ASH1L: variants seen among roughly 807,000 people sequenced by gnomAD.
ASH1L encodes the protein ASH1 like histone lysine methyltransferase.
A neutral mutation model predicts 269.0 loss-of-function variants in ASH1L; 23 were observed. That is an observed-to-expected ratio of 0.09 (90% confidence interval 0.06 to 0.12). The LOEUF (loss-of-function observed/expected upper bound fraction) is 0.12. Ranked by LOEUF, ASH1L falls within the 10% of genes least tolerant of loss-of-function variation. ASH1L has a pLI of 1.00. For missense variants in ASH1L, 2,912 were observed against 3,567.8 expected, an observed-to-expected ratio of 0.82 and a Z score of 4.68; for synonymous variants, 1,187 against 1,253.5, an observed-to-expected ratio of 0.95 and a Z score of 1.12.
chr1:155,484,287 G>C (rs758142633), intron 2 of ASH1L, among the ~76,000 whole-genome samples: 6 of 151,988 alleles, frequency 3.9e-5, no homozygotes, highest in Non-Finnish European at 8.8e-5. Context: ...TCAGGAGTTC[G>C]AGACCAGCTT....
rs764189715 is a variant in ASH1L, at chr1:155,562,802, T to G, written c.-749A>C. On this transcript the variant is annotated 5_prime_UTR_variant, in exon 1 of 28. Transcript: ENST00000392403. Reference sequence around the variant, plus strand: ...ACCTTCAACGGCGCAAGCCCAAGCCTCCTCCTCCTCCTCCTCCACCTCCTC... The same window carrying G: ...ACCTTCAACGGCGCAAGCCCAAGCCGCCTCCTCCTCCTCCTCCACCTCCTC... The G allele has an allele frequency of 2.2e-5, 11 of 500,514 alleles. No homozygotes were observed. The East Asian group carries it at 2.8e-4, about 13-fold the overall frequency. The allele number at this position is 500,514 out of a possible 1,614,324, so 31.0% of individuals were successfully genotyped here. A position where few individuals can be genotyped will look rare whatever the true frequency, so the allele number is the denominator to read the frequency against.
Position 155,343,332 on chromosome 1 carries a change from G to A in ASH1L, c.8275C>T (p.Leu2759Phe). 1 of 1,613,774 alleles carries A rather than the reference G, an allele frequency of 6.2e-7. No individual in the cohort carries two copies. Among genetic ancestry groups the A allele is most frequent in the Non-Finnish European group, 8.5e-7 (1 of 1,179,870 alleles). Residue 2759 changes from leucine (L) to phenylalanine (F), a missense_variant, in exon 24 of 28, where the codon CTT becomes TTT. Physicochemically the swap from Leu to Phe is conservative, Grantham distance 22. This residue lies in a region of ASH1L where 179 missense variants were observed against 293.8 expected (regional missense o/e 0.61). Transcript: ENST00000392403. The surrounding 1 kb of genome is among the most constrained non-coding windows in gnomAD (Gnocchi z 6.1). Reference protein sequence around the residue: ...AVVGTCCVLDLYTYCKGRPKG... With the variant: ...AVVGTCCVLDFYTYCKGRPKG... The stretch of plus-strand genomic sequence containing the variant: ...CACTTACCTTTACAATACGTATAAA[G>A]GTCCAACACACAGCAGGTCCCCACT...
intron 3 of ASH1L, among the ~76,000 whole-genome samples, chr1:155,462,933 C>A (rs879319544): frequency 2.6e-5 from 4 of 152,056 alleles, no homozygotes; most frequent in Non-Finnish European, 5.9e-5. Flanking sequence ...ATGAGGATAA[C>A]TGAAAAAACA....
chr1:155,366,072 T>C (rs1233606490), intron 12 of ASH1L, among the ~76,000 whole-genome samples: 1 of 152,122 alleles, frequency 6.6e-6, no homozygotes, highest in Non-Finnish European at 1.5e-5. Context: ...GCATTCCCAA[T>C]AGGTTAGGCA....
At chr1:155,452,848 C>T (rs1336529740) in intron 4 of ASH1L, among the ~76,000 whole-genome samples, 1 of 152,238 alleles carries the variant, frequency 6.6e-6, no homozygotes, top group African/African-American at 2.4e-5. Flanking sequence ...TGAGCCACCA[C>T]GTCTGACCAA....
At position 155,352,821 on chromosome 1, in the gene ASH1L, A is replaced by T. The variant is rs1654050442; in HGVS notation, c.7251T>A (p.Ala2417=). The T allele has an allele frequency of 6.2e-7, 1 of 1,613,742 alleles. No individual in the cohort carries two copies. The highest frequency in any genetic ancestry group is 2.2e-5 in the East Asian group (1 of 44,882). ...FMTQFSALQT[A]RSVRTRRLAA... ...CCAACCGTCTTGTTCGAACAGATCG[A>T]GCTGTCTGCAGGGCAGAGAACTGGG... The change falls in exon 17 of 28, where the codon GCT becomes GCA. Residue 2417 remains alanine, a synonymous_variant. Coordinates refer to ENST00000392403, the MANE Select transcript of ASH1L (RefSeq NM_018489.3).
At chr1:155,405,182 A>G (rs914734422) in intron 6 of ASH1L, among the ~76,000 whole-genome samples, 1 of 151,460 alleles carries the variant, frequency 6.6e-6, no homozygotes, top group Non-Finnish European at 1.5e-5. Flanking sequence ...ACTATAAAAC[A>G]CTGTTAAAAG....
chr1:155,369,642 T>C (rs991596742), intron 12 of ASH1L, among the ~76,000 whole-genome samples: 1 of 152,212 alleles, frequency 6.6e-6, no homozygotes, highest in Non-Finnish European at 1.5e-5. Flanking sequence ...TTCACTTTTT[T>C]TATTTCTCTT....
intron 1 of ASH1L, among the ~76,000 whole-genome samples, chr1:155,531,692 C>G (rs1051061685): frequency 6.6e-6 from 1 of 152,146 alleles, no homozygotes; most frequent in Non-Finnish European, 1.5e-5. Flanking sequence ...ATTTCCCTAA[C>G]ATGATCAAGG....
intron 10 of ASH1L, among the ~76,000 whole-genome samples, chr1:155,377,069 G>A (rs1049558284): frequency 4.0e-5 from 6 of 151,468 alleles, no homozygotes; most frequent in East Asian, 2.0e-4. Context: ...CACCATGCCC[G>A]GCTAATTCTG....
chr1:155,356,203 G>A (rs975087309), intron 15 of ASH1L, among the ~76,000 whole-genome samples: 5 of 152,008 alleles, frequency 3.3e-5, no homozygotes, highest in Middle Eastern at 6.8e-3. Context: ...TCCCAAAGTG[G>A]TAGGATTACA....
chr1:155,505,304 G>A (rs1164259390), intron 2 of ASH1L, among the ~76,000 whole-genome samples: 1 of 152,114 alleles, frequency 6.6e-6, no homozygotes. Flanking sequence ...TTTTAAGCAT[G>A]AGCCCTTCTT....
At chr1:155,525,574 A>G (rs183392976) in intron 1 of ASH1L, among the ~76,000 whole-genome samples, 17 of 152,104 alleles carry the variant, frequency 1.1e-4, no homozygotes, top group Non-Finnish European at 1.8e-4. Context: ...AAAATAAGAA[A>G]AAAGAAAAAC....
chr1:155,491,340 A>T (rs565486449), intron 2 of ASH1L, among the ~76,000 whole-genome samples: 1 of 152,228 alleles, frequency 6.6e-6, no homozygotes, highest in African/African-American at 2.4e-5. Flanking sequence ...GGCCTCAAGC[A>T]ATCTCCTGCC....
At chr1:155,562,809 C>T (rs1672128543), upstream of ASH1L, 1 of 610,096 alleles carries the variant, frequency 1.6e-6, no homozygotes, top group Non-Finnish European at 3.0e-6. Context: ...GCCTCCTCCT[C>T]CTCCTCCTCC....
chr1:155,448,345 T>TTTGTTGTTG (rs112178568), intron 4 of ASH1L, among the ~76,000 whole-genome samples: 3 of 151,688 alleles, frequency 2.0e-5, no homozygotes, highest in African/African-American at 4.8e-5. Flanking sequence ...TTCTTTTCGT[T>TTTGTTGTTG]TTGTTGTTGT....
chr1:155,346,525 C>T, intron 20 of ASH1L, 56 bp from the exon 21 acceptor site: 11 of 1,473,214 alleles, frequency 7.5e-6, no homozygotes, highest in Non-Finnish European at 9.4e-6. Context: ...TTGAGAGTGT[C>T]CTGGGAGCCC....
intron 10 of ASH1L, among the ~76,000 whole-genome samples, chr1:155,373,801 G>GGGACTA (rs1285182787): frequency 6.6e-6 from 1 of 152,054 alleles, no homozygotes; most frequent in African/African-American, 2.4e-5. Context: ...CAGAATAGCT[G>GGGACTA]GGACTATAGG....
intron 1 of ASH1L, among the ~76,000 whole-genome samples, chr1:155,550,838 G>A (rs1437252334): frequency 6.6e-6 from 1 of 152,152 alleles, no homozygotes; most frequent in Non-Finnish European, 1.5e-5. Flanking sequence ...TTGACATAAA[G>A]ATCCAGATGG....
Sources: allele counts gnomAD v4.1 joint callset (sites outside exome capture counted in the v4.1 genomes callset), GRCh38; gene constraint gnomAD v4.1.1; regional missense constraint gnomAD v4.1.1; non-coding constraint Gnocchi (gnomAD v3.1); transcripts MANE v1.5; gene names NCBI Gene and HGNC (gene_info 2026-07-23, HGNC 2026-07-21).